FOXP2: variants seen among roughly 807,000 people sequenced by gnomAD.
FOXP2 encodes the protein forkhead box P2, also known as forkhead box protein P2.
Under a neutral mutation model 115.8 loss-of-function variants are expected in FOXP2, and 12 were observed. The ratio of observed to expected loss-of-function variants is 0.10; its 90% confidence interval spans 0.07 to 0.17. The LOEUF (loss-of-function observed/expected upper bound fraction) is 0.17. FOXP2 is among the 10% of genes least tolerant of loss of function. The pLI is 1.00. For missense variants in FOXP2, 629 were observed against 843.5 expected (o/e 0.75, Z 3.15); for synonymous variants, 328 against 297.7 (o/e 1.10, Z -1.05).
At chr7:114,150,259 G>A (rs1342164757) in intron 1 of FOXP2, among the ~76,000 whole-genome samples, 6 of 151,962 alleles carry the variant, frequency 3.9e-5, no homozygotes, top group Admixed American at 2.0e-4. Flanking sequence ...CCTGGGAAAG[G>A]TAGCCCTCCA....
intron 3 of FOXP2, among the ~76,000 whole-genome samples, chr7:114,616,595 A>G (rs1204261535): frequency 1.3e-5 from 2 of 152,174 alleles, no homozygotes; most frequent in African/African-American, 2.4e-5. Context: ...TCATACTGTT[A>G]TGGGGATTCA....
At chr7:114,617,435 T>G (rs1002893058) in intron 3 of FOXP2, among the ~76,000 whole-genome samples, 8 of 152,210 alleles carry the variant, frequency 5.3e-5, no homozygotes, top group African/African-American at 9.6e-5. Context: ...ATTTCTAAAA[T>G]TCAAATCTGA....
chr7:114,688,998 T>C (rs1164562434), intron 16 of FOXP2, among the ~76,000 whole-genome samples: 2 of 152,130 alleles, frequency 1.3e-5, no homozygotes, highest in African/African-American at 2.4e-5. Context: ...ATTATTTATA[T>C]ATAATATTTT....
chr7:114,426,913 G>A (rs1018036474), intron 2 of FOXP2, among the ~76,000 whole-genome samples: 1 of 151,610 alleles, frequency 6.6e-6, no homozygotes, highest in African/African-American at 2.4e-5. Context: ...AAGCTCACAG[G>A]ATGATTTTTG....
chr7:114,339,684 A>G (rs1015099514), intron 2 of FOXP2, among the ~76,000 whole-genome samples: 2 of 150,908 alleles, frequency 1.3e-5, no homozygotes, highest in East Asian at 3.9e-4. Flanking sequence ...ACATGTTATA[A>G]CTTTTTAATT....
At chr7:114,597,394 A>G (rs1729406945) in intron 3 of FOXP2, among the ~76,000 whole-genome samples, 3 of 152,268 alleles carry the variant, frequency 2.0e-5, no homozygotes, top group African/African-American at 7.2e-5. Context: ...TTGGTGGTCT[A>G]TGAAGGAGAG....
intron 2 of FOXP2, among the ~76,000 whole-genome samples, chr7:114,305,618 G>A (rs1191255126): frequency 6.6e-6 from 1 of 152,060 alleles, no homozygotes; most frequent in Non-Finnish European, 1.5e-5. Context: ...ATACATTTAT[G>A]AGGAAATTGT....
rs144754585 is a variant in FOXP2 at position 114,141,188 on chromosome 7, C to A, written c.-246-21756C>A. On this transcript the variant is annotated intron_variant, in intron 1 of 19. Transcript: ENST00000635638. ...TCACTCTTCTTACCCTGATAAGAGA[C>A]AATAAGGCAATGAGAGAATGCCAGG... Among the ~76,000 whole-genome samples the A allele has an allele frequency of 5.3e-3, 811 of 152,198 alleles. 7 individuals carry two copies. Among genetic ancestry groups the A allele is most frequent in the Non-Finnish European group, 7.6e-3 (519 of 68,010 alleles).
chr7:114,621,027 A>G (rs961428793), intron 3 of FOXP2, among the ~76,000 whole-genome samples: 2 of 152,020 alleles, frequency 1.3e-5, no homozygotes, highest in African/African-American at 4.8e-5. Context: ...TTTTGCTTTG[A>G]CAGCCCATAA....
At chr7:114,142,441 G>T (rs1792243171) in intron 1 of FOXP2, among the ~76,000 whole-genome samples, 1 of 152,040 alleles carries the variant, frequency 6.6e-6, no homozygotes, top group Admixed American at 6.6e-5. Context: ...AAAAAAATTA[G>T]ATCTTCAAAA....
intron 2 of FOXP2, among the ~76,000 whole-genome samples, chr7:114,514,850 A>G (rs1281955763): frequency 1.3e-5 from 2 of 151,670 alleles, no homozygotes; most frequent in African/African-American, 2.4e-5. Context: ...TATATCTCCT[A>G]AAGCTATCCC....
At chr7:114,683,671 T>C (rs575343817) in intron 16 of FOXP2, among the ~76,000 whole-genome samples, 1 of 152,214 alleles carries the variant, frequency 6.6e-6, no homozygotes, top group South Asian at 2.1e-4. Context: ...AGGATGTGTG[T>C]GAATAGGCAG....
rs144104690 is a variant in FOXP2 at position 114,588,032 on chromosome 7, G to A, written c.259-40508G>A. Among the ~76,000 whole-genome samples the A allele has an allele frequency of 3.3e-5, 5 of 151,590 alleles. No individual in the cohort carries two copies. The East Asian group carries it at 9.8e-4, about 30-fold the overall frequency. On this transcript the variant is annotated intron_variant, in intron 3 of 16. Transcript: ENST00000350908. ...ATGTTTTAAAAAATACTTTAAGGCC[G>A]GGCATGGTGGCTCAGGCCTGTGATC...
chr7:114,254,837 G>A (rs1374143760), intron 1 of FOXP2, among the ~76,000 whole-genome samples: 2 of 152,214 alleles, frequency 1.3e-5, no homozygotes, highest in Non-Finnish European at 2.9e-5. Flanking sequence ...TGCTGGCGAG[G>A]AGCTGCGTTC....
intron 1 of FOXP2, among the ~76,000 whole-genome samples, chr7:114,235,186 C>A (rs550647545): frequency 6.6e-6 from 1 of 151,560 alleles, no homozygotes; most frequent in Non-Finnish European, 1.5e-5. Context: ...TGCTCCCTTT[C>A]TTTTTATAAC....
chr7:114,656,593 A>G (rs1806603578), intron 10 of FOXP2: 3 of 402,040 alleles, frequency 7.5e-6, no homozygotes, highest in Non-Finnish European at 1.5e-5. Context: ...GCTTTCATTT[A>G]TGTACGTAAC....
chr7:114,161,565 A>G (rs763031374), upstream of FOXP2, among the ~76,000 whole-genome samples: 2 of 150,768 alleles, frequency 1.3e-5, no homozygotes, highest in Non-Finnish European at 2.9e-5. Context: ...TACCACCAGT[A>G]TATTGTGTTA....
chr7:114,528,510 A>G (rs554533832), intron 2 of FOXP2, among the ~76,000 whole-genome samples: 40 of 152,144 alleles, frequency 2.6e-4, no homozygotes, highest in African/African-American at 9.4e-4. Flanking sequence ...ATAGTCACAA[A>G]CATTTTTAAG....
Position 114,414,920 on chromosome 7 carries a change from A to C in FOXP2, c.-451A>C. On this transcript the variant is annotated 5_prime_UTR_variant, in exon 1 of 17. The change abolishes an upstream ATG in the 5' untranslated region. Transcript: ENST00000350908. ...CACACACACTCACACACTCACACACATGCACACACACACATACACACACAC... is the reference window on the plus strand; with the variant it reads ...CACACACACTCACACACTCACACACCTGCACACACACACATACACACACAC... The C allele has an allele frequency of 2.6e-6, 1 of 383,086 alleles. No homozygotes were observed. Among genetic ancestry groups the C allele is most frequent in the Non-Finnish European group, 5.2e-6 (1 of 191,202 alleles). The allele number at this position is 383,086 out of a possible 1,614,324, so 23.7% of individuals were successfully genotyped here.
Sources: allele counts gnomAD v4.1 joint callset (sites outside exome capture counted in the v4.1 genomes callset), GRCh38; gene constraint gnomAD v4.1.1; transcripts MANE v1.5; gene names NCBI Gene and HGNC (gene_info 2026-07-23, HGNC 2026-07-21).